Variants in PEBP4 observed in about 807,000 individuals in gnomAD.
PEBP4 encodes the protein phosphatidylethanolamine binding protein 4, also known as phosphatidylethanolamine-binding protein 4.
PEBP4 carries 22 observed loss-of-function variants against 23.9 expected under a neutral mutation model. That is an observed-to-expected ratio of 0.92 (90% confidence interval 0.66 to 1.31). The LOEUF is 1.31. Among genes scored for constraint, PEBP4 ranks in the 40% most tolerant of loss-of-function variants. PEBP4 has a pLI of 0.00. For missense variants in PEBP4, 324 were observed against 281.7 expected, an observed-to-expected ratio of 1.15 and a Z score of -1.07; for synonymous variants, 112 against 99.3, an observed-to-expected ratio of 1.13 and a Z score of -0.76.
At chr8:22,722,009 T>C (rs2128748272) in intron 6 of PEBP4, among the ~76,000 whole-genome samples, 1 of 152,286 alleles carries the variant, frequency 6.6e-6, no homozygotes, top group South Asian at 2.1e-4. Flanking sequence ...TGTCCTCTCA[T>C]TCTGGTCAGT....
At chr8:22,780,289 A>G (rs1156538743) in intron 4 of PEBP4, among the ~76,000 whole-genome samples, 4 of 152,124 alleles carry the variant, frequency 2.6e-5, no homozygotes, top group Non-Finnish European at 5.9e-5. Context: ...TTGAGGCAGG[A>G]GAGGAATTAT....
At chr8:22,935,393 C>G (rs1262613444) in intron 1 of PEBP4, among the ~76,000 whole-genome samples, 1 of 152,234 alleles carries the variant, frequency 6.6e-6, no homozygotes, top group Admixed American at 6.5e-5. Flanking sequence ...TGGTGGCAGG[C>G]ACCTGTAGTC....
intron 4 of PEBP4, among the ~76,000 whole-genome samples, chr8:22,765,239 G>A (rs1563209195): frequency 6.6e-6 from 1 of 151,930 alleles, no homozygotes; most frequent in Non-Finnish European, 1.5e-5. Context: ...CCCTTCTCAT[G>A]TTCAAGCGAT....
intron 3 of PEBP4, among the ~76,000 whole-genome samples, chr8:22,841,526 C>T (rs1807329534): frequency 6.6e-6 from 1 of 152,196 alleles, no homozygotes; most frequent in Non-Finnish European, 1.5e-5. Flanking sequence ...CTTTTGGGTT[C>T]AACTCTAGGC....
At chr8:22,777,630 C>T (rs912620158) in intron 4 of PEBP4, among the ~76,000 whole-genome samples, 1 of 152,206 alleles carries the variant, frequency 6.6e-6, no homozygotes, top group South Asian at 2.1e-4. Context: ...TTCTCACTCG[C>T]CCTGCACGGC....
intron 4 of PEBP4, among the ~76,000 whole-genome samples, chr8:22,815,801 G>A (rs117522792): frequency 6.6e-6 from 1 of 152,330 alleles, no homozygotes; most frequent in East Asian, 1.9e-4. Flanking sequence ...TCGTTGTACA[G>A]AGCTCCTGTG....
intron 4 of PEBP4, among the ~76,000 whole-genome samples, chr8:22,759,752 T>C (rs1469711680): frequency 2.6e-5 from 4 of 152,208 alleles, no homozygotes; most frequent in Admixed American, 2.6e-4. Flanking sequence ...CACCCAGCCA[T>C]GGAGACTGCT....
At chr8:22,766,652 G>A (rs1805620010) in intron 4 of PEBP4, among the ~76,000 whole-genome samples, 1 of 152,200 alleles carries the variant, frequency 6.6e-6, no homozygotes, top group Non-Finnish European at 1.5e-5. Context: ...AGCCAGTGGA[G>A]GGCATGCTGG....
At chr8:22,731,037 C>T (rs1454878219) in intron 4 of PEBP4, among the ~76,000 whole-genome samples, 1 of 152,204 alleles carries the variant, frequency 6.6e-6, no homozygotes, top group Non-Finnish European at 1.5e-5. Flanking sequence ...GAGCACAGAC[C>T]AAATCTCCTT....
At chr8:22,789,084 G>T (rs1437099376) in intron 4 of PEBP4, among the ~76,000 whole-genome samples, 1 of 152,154 alleles carries the variant, frequency 6.6e-6, no homozygotes, top group Admixed American at 6.5e-5. Context: ...CAAAATTTTT[G>T]ATTAGGACAC....
chr8:22,863,012 G>C (rs1807813518), intron 3 of PEBP4, among the ~76,000 whole-genome samples: 1 of 152,104 alleles, frequency 6.6e-6, no homozygotes, highest in African/African-American at 2.4e-5. Context: ...ATGTTAGCCA[G>C]GATGGTCTCG....
chr8:22,830,016 T>C (rs1433985067), intron 3 of PEBP4, among the ~76,000 whole-genome samples: 1 of 152,184 alleles, frequency 6.6e-6, no homozygotes, highest in Non-Finnish European at 1.5e-5. Context: ...CCACCCCTTC[T>C]TTATAGCAAT....
rs114359888 is a variant in PEBP4 at position 22,834,658 on chromosome 8, G to A, written c.259-16923C>T. On this transcript the variant is annotated intron_variant, in intron 3 of 6. Transcript: ENST00000256404. The stretch of plus-strand genomic sequence containing the variant: ...GCCATATTCTGGCCCAGAATATGTA[G>A]GAGAAAATCCCTAGGGAGGGATCTC... 3.5e-3 allele frequency among the ~76,000 whole-genome samples: 531 copies of A among 152,308 alleles called. 3 individuals are homozygous for A. The highest frequency in any genetic ancestry group is 0.012 in the African/African-American group (505 of 41,572).
intron 4 of PEBP4, among the ~76,000 whole-genome samples, chr8:22,786,967 T>C (rs1033850195): frequency 6.6e-6 from 1 of 152,014 alleles, no homozygotes; most frequent in African/African-American, 2.4e-5. Flanking sequence ...ACCACAGGTG[T>C]GTATCACCAT....
intron 4 of PEBP4, among the ~76,000 whole-genome samples, chr8:22,793,754 C>T (rs7840396): frequency 0.59 from 89,994 of 151,922 alleles, 26,762 homozygotes; most frequent in South Asian, 0.71. Flanking sequence ...ACATAACACG[C>T]CCTGCCTTAT....
At chr8:22,937,499 A>G (rs1809555885) in intron 1 of PEBP4, among the ~76,000 whole-genome samples, 1 of 152,198 alleles carries the variant, frequency 6.6e-6, no homozygotes, top group African/African-American at 2.4e-5. Context: ...TGTTAAAATG[A>G]CAAAGTTACT....
At chr8:22,749,828 T>A (rs1182348102) in intron 4 of PEBP4, among the ~76,000 whole-genome samples, 1 of 134,558 alleles carries the variant, frequency 7.4e-6, no homozygotes, top group Non-Finnish European at 1.6e-5. Flanking sequence ...TTTTTTGAGA[T>A]GGAGTTTCGC....
At chr8:22,750,561 T>C (rs1331354991) in intron 4 of PEBP4, among the ~76,000 whole-genome samples, 2 of 152,250 alleles carry the variant, frequency 1.3e-5, no homozygotes, top group African/African-American at 4.8e-5. Flanking sequence ...TAGGTACTTG[T>C]TGATCTGCCC....
chr8:22,893,511 C>T (rs760458423), intron 3 of PEBP4, among the ~76,000 whole-genome samples: 4 of 152,084 alleles, frequency 2.6e-5, no homozygotes, highest in Non-Finnish European at 5.9e-5. Flanking sequence ...GGAATTAGTA[C>T]ACAAATATAT....
Sources: allele counts gnomAD v4.1 joint callset (sites outside exome capture counted in the v4.1 genomes callset), GRCh38; gene constraint gnomAD v4.1.1; transcripts MANE v1.5; gene names NCBI Gene and HGNC (gene_info 2026-07-23, HGNC 2026-07-21).